The following PCDHA11 variants were observed in gnomAD, a reference collection of about 807,000 sequenced individuals.
The protein encoded by PCDHA11 is protocadherin alpha 11.
Under a neutral mutation model 70.3 loss-of-function variants are expected in PCDHA11, and 61 were observed. The observed-to-expected ratio is 0.87, with a 90% CI of 0.71 to 1.07. The LOEUF is 1.07. Among genes scored for constraint, PCDHA11 ranks in the 50% least tolerant of loss-of-function variants. PCDHA11 has a pLI of 0.00. For missense variants in PCDHA11, 1,324 were observed against 1,237.5 expected (o/e 1.07, Z -1.05); for synonymous variants, 633 against 555.1 (o/e 1.14, Z -1.97).
chr5:140,966,409 G>C (rs1234170283), intron 1 of PCDHA11: 1 of 419,144 alleles, frequency 2.4e-6, no homozygotes, highest in African/African-American at 2.1e-5. Context: ...CGCGGAATCA[G>C]AGCAGGACTT....
chr5:140,985,739 C>CTTT (rs11372071), intron 3 of PCDHA11, among the ~76,000 whole-genome samples: 39 of 117,922 alleles, frequency 3.3e-4, no homozygotes, highest in Non-Finnish European at 4.1e-4. Context: ...TGATGAATTC[C>CTTT]TTTTTTTTTT....
At position 140,928,087 on chromosome 5, in the gene PCDHA11, A is replaced by T. The variant is rs1554205462; in HGVS notation, c.2392-50862A>T. On this transcript the variant is annotated intron_variant, in intron 1 of 3. Coordinates refer to ENST00000398640, the MANE Select transcript of PCDHA11 (RefSeq NM_018902.5). The stretch of plus-strand genomic sequence containing the variant: ...CTTTGACAACTACTACAGCCTGCTG[A>T]TTGATGGGCCCCTGGACCGGGAGCA... 3.1e-6 allele frequency: 5 copies of T among 1,614,022 alleles called. No individual in the cohort carries two copies. In the African/African-American group the frequency reaches 5.3e-5, roughly 17 times the overall value.
chr5:140,929,058 A>G (rs372120484), intron 1 of PCDHA11: 2 of 1,614,072 alleles, frequency 1.2e-6, no homozygotes, highest in African/African-American at 2.7e-5. Context: ...GTCGCTCTAC[A>G]GAGGATCTGA....
intron 3 of PCDHA11, among the ~76,000 whole-genome samples, chr5:140,998,290 C>T (rs782194130): frequency 3.9e-5 from 6 of 152,180 alleles, no homozygotes; most frequent in Admixed American, 2.6e-4. Context: ...TAAATCAGAT[C>T]ACACATTTAG....
In PCDHA11 at chr5:140,870,682, C is replaced by G; in HGVS notation, c.1579C>G (p.Leu527Val). The change falls in exon 1 of 4, where the codon CTG (leucine) becomes GTG (valine). Residue 527 changes from leucine (L) to valine (V), a missense_variant. Physicochemically the swap from Leu to Val is conservative, Grantham distance 32 (BLOSUM62 1). Transcript: ENST00000398640. ...GCTGCAGCCGTTGGACCACGAGGAG[C>G]TGGAGCTGCTACAGTTCCAGGTGAG... Reference protein sequence around the residue: ...YALQPLDHEELELLQFQVSAR... With the variant: ...YALQPLDHEEVELLQFQVSAR... The G allele has an allele frequency of 6.2e-7, 1 of 1,612,762 alleles. No homozygotes were observed. The highest frequency in any genetic ancestry group is 1.1e-5 in the South Asian group (1 of 91,040).
chr5:140,990,649 T>A (rs1465284882), intron 3 of PCDHA11, among the ~76,000 whole-genome samples: 1 of 152,330 alleles, frequency 6.6e-6, no homozygotes, highest in South Asian at 2.1e-4. Context: ...TCAGCCAGTA[T>A]GAATGATTTA....
At chr5:141,005,018 T>C (rs2098193299) in intron 3 of PCDHA11, among the ~76,000 whole-genome samples, 1 of 152,250 alleles carries the variant, frequency 6.6e-6, no homozygotes, top group Non-Finnish European at 1.5e-5. Flanking sequence ...AGCTGCATTA[T>C]ATATAATTGC....
intron 1 of PCDHA11, among the ~76,000 whole-genome samples, chr5:140,961,071 G>GT (rs2095588240): frequency 6.6e-6 from 1 of 152,208 alleles, no homozygotes; most frequent in African/African-American, 2.4e-5. Flanking sequence ...GATATCTGGA[G>GT]TATCAAGTAA....
intron 1 of PCDHA11, among the ~76,000 whole-genome samples, chr5:140,961,327 AGAGACCAAGAGTG>A (rs1375426442): frequency 6.6e-6 from 1 of 152,206 alleles, no homozygotes. Context: ...CTGTTTCTTG[AGAGACCAAGAGTG>A]GATCCCTGTA....
intron 1 of PCDHA11, among the ~76,000 whole-genome samples, chr5:140,914,843 A>G (rs1269507537): frequency 6.6e-6 from 1 of 152,142 alleles, no homozygotes; most frequent in Non-Finnish European, 1.5e-5. Context: ...CAAACACACA[A>G]AAGGAAGACT....
rs191125107 is a variant in PCDHA11 at position 140,991,229 on chromosome 5, G to A, written c.2539+8666G>A. 1.4e-3 allele frequency among the ~76,000 whole-genome samples: 211 copies of A among 152,246 alleles called. 1 individual carries two copies. The highest frequency in any genetic ancestry group is 4.8e-3 in the African/African-American group (201 of 41,560). On this transcript the variant is annotated intron_variant, in intron 3 of 3. Coordinates refer to ENST00000398640, the MANE Select transcript of PCDHA11 (RefSeq NM_018902.5). ...AATTTTGTTAAATTCATTAATAAAT[G>A]CAGTGGTAAAGGCAGTATTTGAACT... is the stretch of plus-strand genomic sequence containing the variant.
intron 1 of PCDHA11, chr5:140,884,085 G>A (rs1181483962): frequency 6.2e-7 from 1 of 1,613,484 alleles, no homozygotes; most frequent in Non-Finnish European, 8.5e-7. Flanking sequence ...TACAATGCGT[G>A]GCTTTCGTAT....
intron 1 of PCDHA11, chr5:140,884,831 ATCCT>A: frequency 1.1e-6 from 1 of 939,722 alleles, no homozygotes; most frequent in Non-Finnish European, 1.5e-6. Flanking sequence ...GTGTTGGATT[ATCCT>A]TCAGAGTGAA....
chr5:140,967,114 C>T (rs782407413), intron 1 of PCDHA11: 17 of 1,612,932 alleles, frequency 1.1e-5, no homozygotes, highest in Non-Finnish European at 1.4e-5. Flanking sequence ...AGCGGCCTCG[C>T]TGCCTGCTCA....
At chr5:140,899,201 G>T (rs1400966236) in intron 1 of PCDHA11, among the ~76,000 whole-genome samples, 5 of 151,818 alleles carry the variant, frequency 3.3e-5, no homozygotes, top group Admixed American at 6.6e-5. Context: ...CTGCCTAATT[G>T]CCCTGGCCAG....
At position 140,869,062 on chromosome 5, in the gene PCDHA11, T is replaced by A. The variant is rs370962991; in HGVS notation, c.-42T>A. 1.3e-6 allele frequency: 2 copies of A among 1,558,588 alleles called. No individual in the cohort carries two copies. Among genetic ancestry groups the A allele is most frequent in the African/African-American group, 2.7e-5 (2 of 72,894 alleles). On this transcript the variant is annotated 5_prime_UTR_variant, in exon 1 of 4. Coordinates refer to ENST00000398640, the MANE Select transcript of PCDHA11 (RefSeq NM_018902.5). ...CCTGAAACTGAAGAATCTGGTACTGTAAGTGTAAAGAAGCTTATTTTGGAA... is the reference window on the plus strand; with the variant it reads ...CCTGAAACTGAAGAATCTGGTACTGAAAGTGTAAAGAAGCTTATTTTGGAA...
intron 1 of PCDHA11, among the ~76,000 whole-genome samples, chr5:140,924,896 AAAAAAAAAATAAAATAAAAT>A (rs1488372568): frequency 0.024 from 1,693 of 69,132 alleles, 31 homozygotes; most frequent in African/African-American, 0.08. Context: ...ACCTGTCTCA[AAAAAAAAAATAAAATAAAAT>A]AAAATAAAAT....
intron 1 of PCDHA11, among the ~76,000 whole-genome samples, chr5:140,905,301 C>T (rs1476283859): frequency 6.6e-6 from 1 of 152,182 alleles, no homozygotes; most frequent in Admixed American, 6.5e-5. Context: ...GGTGTCCTTT[C>T]CACACTTTGT....
chr5:141,002,853 G>C (rs781830862), intron 3 of PCDHA11, among the ~76,000 whole-genome samples: 1 of 152,184 alleles, frequency 6.6e-6, no homozygotes, highest in Non-Finnish European at 1.5e-5. Context: ...ACTAGTGAGA[G>C]AACCAGGGCA....
Sources: gnomAD v4.1 joint callset for allele counts (sites outside exome capture counted in the v4.1 genomes callset) on GRCh38, gnomAD v4.1.1 for gene constraint, MANE v1.5 for transcripts, NCBI Gene and HGNC (gene_info 2026-07-23, HGNC 2026-07-21) for gene names.